SDK2: variants seen among roughly 807,000 people sequenced by gnomAD.
SDK2 encodes the protein protein sidekick-2.
Under a neutral mutation model 253.9 loss-of-function variants are expected in SDK2, and 105 were observed. The observed-to-expected ratio is 0.41, with a 90% CI of 0.35 to 0.49. The LOEUF is 0.49. SDK2 is among the 20% of genes least tolerant of loss of function. SDK2 has a pLI of 0.06. For missense variants in SDK2, 2,608 were observed against 3,003.0 expected, an observed-to-expected ratio of 0.87 and a Z score of 3.07; for synonymous variants, 1,249 against 1,234.9, an observed-to-expected ratio of 1.01 and a Z score of -0.24.
intron 3 of SDK2, among the ~76,000 whole-genome samples, chr17:73,466,088 C>A (rs1456255868): frequency 6.6e-6 from 1 of 152,168 alleles, no homozygotes; most frequent in Admixed American, 6.5e-5. Context: ...TGGGGTCATG[C>A]AAGTACGGGG....
intron 18 of SDK2, among the ~76,000 whole-genome samples, chr17:73,413,066 G>T (rs911854117): frequency 6.6e-6 from 1 of 152,140 alleles, no homozygotes; most frequent in African/African-American, 2.4e-5. Context: ...TGGTCTGTTA[G>T]GAACCAGGCT....
At chr17:73,540,400 C>T (rs906482561) in intron 1 of SDK2, among the ~76,000 whole-genome samples, 1 of 152,186 alleles carries the variant, frequency 6.6e-6, no homozygotes, top group African/African-American at 2.4e-5. Flanking sequence ...CCCCAATATA[C>T]TAAACATATT....
chr17:73,613,549 G>C (rs983025684), intron 1 of SDK2, among the ~76,000 whole-genome samples: 1 of 152,078 alleles, frequency 6.6e-6, no homozygotes, highest in Non-Finnish European at 1.5e-5. Context: ...GCAGGCATTT[G>C]GGAGGCAGGT....
intron 1 of SDK2, among the ~76,000 whole-genome samples, chr17:73,605,820 G>A (rs567420550): frequency 3.5e-4 from 53 of 152,216 alleles, no homozygotes; most frequent in Admixed American, 5.2e-4. Flanking sequence ...CGTAATAAGC[G>A]CTCAAAATGC....
chr17:73,422,234 C>T (rs1029377916), intron 15 of SDK2, 53 bp downstream of exon 15: 22 of 1,598,124 alleles, frequency 1.4e-5, no homozygotes, highest in Non-Finnish European at 1.7e-5. Context: ...TCGGCTGCAG[C>T]CCCTGCCTGT....
At position 73,638,806 on chromosome 17, in the gene SDK2, C is replaced by CT. The variant is rs1223522657; in HGVS notation, c.64+5218dup. 3.2e-3 allele frequency among the ~76,000 whole-genome samples: 443 copies of CT among 138,974 alleles called. 8 individuals are homozygous for CT. The highest frequency in any genetic ancestry group is 3.4e-3 in the East Asian group (16 of 4,708). 91.2% of individuals were successfully genotyped at this position (138,974 alleles called of 152,430 possible). A position where few individuals can be genotyped will look rare whatever the true frequency, so the allele number is the denominator to read the frequency against. On this transcript the variant is annotated intron_variant, in intron 1 of 44. Coordinates refer to ENST00000392650, the MANE Select transcript of SDK2 (RefSeq NM_001144952.2). Reference sequence around the variant, plus strand: ...ACAACTCTAAAAGGTAGATAACAGTCTTTTTTTTTTTTTTTTTTAATGAGA... The same window carrying CT: ...ACAACTCTAAAAGGTAGATAACAGTCTTTTTTTTTTTTTTTTTTTAATGAGA...
At position 73,338,842 on chromosome 17, in the gene SDK2, C is replaced by T; in HGVS notation, c.6264G>A (p.Arg2088=). ...CCCTCGAGATGCCCTTCTGCTGTCG[C>T]CGCCACGAGTTGTAGTATGTGGGGT... ...ISDPTYYNSW[R]RQQKGISRAQ... is the part of the protein sequence containing the mutation. The change falls in exon 45 of 45, where the codon CGG becomes CGA. Residue 2088 remains arginine (R), a synonymous_variant. Transcript: ENST00000392650. This position sits in a 1 kb window ranked among gnomAD's most constrained non-coding sequence, Gnocchi z 5.0. 1 of 1,613,982 alleles carries T rather than the reference C, an allele frequency of 6.2e-7. No homozygotes were observed. The highest frequency in any genetic ancestry group is 8.5e-7 in the Non-Finnish European group (1 of 1,179,890).
rs2145685665 is a variant in SDK2, at chr17:73,467,703, A to G, written c.331+4409T>C. Reference sequence around the variant, plus strand: ...TGAAACCTTCCTTAGCTTGTCAGGAACTGCGTTCTTCTCAAGGGTCGGAAG... The same window carrying G: ...TGAAACCTTCCTTAGCTTGTCAGGAGCTGCGTTCTTCTCAAGGGTCGGAAG... On this transcript the variant is annotated intron_variant, in intron 3 of 44. Coordinates refer to ENST00000392650, the MANE Select transcript of SDK2 (RefSeq NM_001144952.2). The surrounding 1 kb of genome is among the most constrained non-coding windows in gnomAD (Gnocchi z 4.1). Among the ~76,000 whole-genome samples, 1 of 152,242 alleles carries G rather than the reference A, an allele frequency of 6.6e-6. No individual in the cohort carries two copies. The highest frequency in any genetic ancestry group is 2.1e-4 in the South Asian group (1 of 4,822).
chr17:73,540,404 A>C (rs1263958703), intron 1 of SDK2, among the ~76,000 whole-genome samples: 1 of 152,132 alleles, frequency 6.6e-6, no homozygotes, highest in Non-Finnish European at 1.5e-5. Flanking sequence ...AATATACTAA[A>C]CATATTTCTT....
intron 18 of SDK2, among the ~76,000 whole-genome samples, chr17:73,409,067 T>C (rs760338180): frequency 6.6e-6 from 1 of 152,104 alleles, no homozygotes; most frequent in African/African-American, 2.4e-5. Context: ...AGGCAGAGGG[T>C]TGGGGCAGAG....
intron 43 of SDK2, among the ~76,000 whole-genome samples, chr17:73,349,396 T>G (rs928748169): frequency 6.6e-6 from 1 of 152,224 alleles, no homozygotes; most frequent in East Asian, 1.9e-4. Flanking sequence ...TCCTCCTGAC[T>G]GCCGCCTCCA....
In SDK2 at chr17:73,440,060, C is replaced by T. The variant is rs565777755; in HGVS notation, c.725+752G>A. Among the ~76,000 whole-genome samples the T allele has an allele frequency of 1.3e-4, 20 of 150,740 alleles. No homozygotes were observed. In the East Asian group the frequency reaches 3.9e-3, roughly 29 times the overall value. ...GAGGGCCGCACATGGCTGGGAAGGG[C>T]TCGGGTGGCTCCTGACCCCTGATCT... On this transcript the variant is annotated intron_variant, in intron 6 of 44. Coordinates refer to ENST00000392650, the MANE Select transcript of SDK2 (RefSeq NM_001144952.2).
At chr17:73,557,638 ATCC>A (rs914114405) in intron 1 of SDK2, among the ~76,000 whole-genome samples, 6 of 150,630 alleles carry the variant, frequency 4.0e-5, no homozygotes, top group East Asian at 2.0e-4. Flanking sequence ...TCTTCTTCCC[ATCC>A]TCCTCCTCCT....
chr17:73,437,901 G>A, intron 7 of SDK2, 63 bp downstream of exon 7: 1 of 1,600,384 alleles, frequency 6.2e-7, no homozygotes. Context: ...CACCCTTAAG[G>A]AGGACCCTCG....
chr17:73,465,076 T>G lies in SDK2; in HGVS notation c.331+7036A>C, dbSNP rs146687446. On this transcript the variant is annotated intron_variant, in intron 3 of 44. Coordinates refer to ENST00000392650, the MANE Select transcript of SDK2 (RefSeq NM_001144952.2). The surrounding 1 kb of genome is among the most constrained non-coding windows in gnomAD (Gnocchi z 4.2). ...GTGCTCCAGAAAGACACATTGATGT[T>G]ATCAGGAACTGTCACTTGGCCCCTA... Among the ~76,000 whole-genome samples the G allele has an allele frequency of 2.8e-4, 43 of 152,260 alleles. 1 individual carries two copies. The highest frequency in any genetic ancestry group is 9.1e-4 in the African/African-American group (38 of 41,546).
chr17:73,449,015 T>C (rs1029094536), intron 4 of SDK2, among the ~76,000 whole-genome samples: 3 of 152,090 alleles, frequency 2.0e-5, no homozygotes, highest in African/African-American at 7.2e-5. Context: ...GTGGGCTGGT[T>C]AGGAGGGAAA....
Position 73,629,815 on chromosome 17 carries a change from G to C in SDK2, c.64+14210C>G, listed in dbSNP as rs546778617. 6.6e-6 allele frequency among the ~76,000 whole-genome samples: 1 copy of C among 152,160 alleles called. No individual in the cohort carries two copies. The highest frequency in any genetic ancestry group is 1.5e-5 in the Non-Finnish European group (1 of 68,038). On this transcript the variant is annotated intron_variant, in intron 1 of 44. Coordinates refer to ENST00000392650, the MANE Select transcript of SDK2 (RefSeq NM_001144952.2). This position sits in a 1 kb window ranked among gnomAD's most constrained non-coding sequence, Gnocchi z 5.0. The stretch of plus-strand genomic sequence containing the variant: ...AGTAAGTGCATGAGAAGCAAAAGAG[G>C]TTCATGGTTTTGGTTATCCATTGGC...
chr17:73,459,304 G>T (rs1350927563), intron 3 of SDK2, among the ~76,000 whole-genome samples: 2 of 152,120 alleles, frequency 1.3e-5, no homozygotes, highest in Admixed American at 1.3e-4. Flanking sequence ...TCTGACCTTG[G>T]AGCCTTTGGG....
In SDK2 at chr17:73,411,974, A is replaced by G. The variant is rs954876154; in HGVS notation, c.2484+2670T>C. On this transcript the variant is annotated intron_variant, in intron 18 of 44. Transcript: ENST00000392650. Reference sequence around the variant, plus strand: ...TTTGTGTATATATATATATACGTATATATATATCTACGTATATATATACAC... The same window carrying G: ...TTTGTGTATATATATATATACGTATGTATATATCTACGTATATATATACAC... Among the ~76,000 whole-genome samples, 60 of 62,498 alleles carry G rather than the reference A, an allele frequency of 9.6e-4. 1 individual carries two copies. The highest frequency in any genetic ancestry group is 1.8e-3 in the Non-Finnish European group (54 of 30,718). 41.0% of individuals were successfully genotyped at this position (62,498 alleles called of 152,430 possible).
Sources: gnomAD v4.1 joint callset for allele counts (sites outside exome capture counted in the v4.1 genomes callset) on GRCh38, gnomAD v4.1.1 for gene constraint, Gnocchi (gnomAD v3.1) non-coding constraint, MANE v1.5 for transcripts, NCBI Gene and HGNC (gene_info 2026-07-23, HGNC 2026-07-21) for gene names.